Variants in SLC12A8 observed in about 807,000 individuals in gnomAD.
SLC12A8 encodes the protein solute carrier family 12 member 8.
Under a neutral mutation model 75.6 loss-of-function variants are expected in SLC12A8, and 69 were observed. The ratio of observed to expected loss-of-function variants is 0.91; its 90% confidence interval spans 0.75 to 1.11. The LOEUF (loss-of-function observed/expected upper bound fraction) is 1.11. Ranked by LOEUF, SLC12A8 falls within the 50% of genes most tolerant of loss-of-function variation. The pLI is 0.00. For missense variants in SLC12A8, 877 were observed against 896.7 expected, an observed-to-expected ratio of 0.98 and a Z score of 0.28; for synonymous variants, 365 against 372.8, an observed-to-expected ratio of 0.98 and a Z score of 0.24.
intron 10 of SLC12A8, among the ~76,000 whole-genome samples, chr3:125,095,921 A>C (rs1938700280): frequency 6.6e-6 from 1 of 152,190 alleles, no homozygotes; most frequent in East Asian, 1.9e-4. Flanking sequence ...TCTAAAAGCC[A>C]GTGATCTTCT....
Position 125,108,092 on chromosome 3 carries a change from C to T in SLC12A8, c.1094G>A (p.Cys365Tyr). The change falls in exon 10 of 14, where the codon TGC becomes TAC. Residue 365 changes from cysteine (C) to tyrosine (Y), a missense_variant. Physicochemically the swap from Cys to Tyr is radical, Grantham distance 194. Transcript: ENST00000469902. ...GPNKTPVAAICLTSLVTMAFV... is the reference protein window; with the variant it reads ...GPNKTPVAAIYLTSLVTMAFV... ...GGCCATGGTCACCAAGCTGGTCAGGCAGATGGCAGCCACGGGTGTTTTGTT... is the reference window on the plus strand; with the variant it reads ...GGCCATGGTCACCAAGCTGGTCAGGTAGATGGCAGCCACGGGTGTTTTGTT... 1 of 1,613,970 alleles carries T rather than the reference C, an allele frequency of 6.2e-7. No individual in the cohort carries two copies. Among genetic ancestry groups the T allele is most frequent in the South Asian group, 1.1e-5 (1 of 91,060 alleles).
chr3:125,142,935 G>T (rs57635608), intron 5 of SLC12A8, among the ~76,000 whole-genome samples: 253 of 152,302 alleles, frequency 1.7e-3, no homozygotes, highest in African/African-American at 5.8e-3. Context: ...CTCTGTGATT[G>T]TTGATACAGG....
intron 8 of SLC12A8, among the ~76,000 whole-genome samples, chr3:125,113,057 C>T (rs1242624265): frequency 4.6e-5 from 7 of 152,190 alleles, no homozygotes; most frequent in Admixed American, 2.0e-4. Flanking sequence ...AACTCTTTTT[C>T]ATTTAAAGCC....
chr3:125,200,269 G>A (rs1047663304), intron 2 of SLC12A8, among the ~76,000 whole-genome samples: 7 of 152,078 alleles, frequency 4.6e-5, no homozygotes, highest in Admixed American at 2.0e-4. Flanking sequence ...GGAACATGGC[G>A]AAACCCCGTC....
chr3:125,141,373 C>A (rs910898934), intron 5 of SLC12A8, among the ~76,000 whole-genome samples: 1 of 152,184 alleles, frequency 6.6e-6, no homozygotes, highest in Non-Finnish European at 1.5e-5. Context: ...CTCGTGGGAG[C>A]CTACCCTCCT....
chr3:125,121,576 T>G (rs1229312304), intron 6 of SLC12A8, among the ~76,000 whole-genome samples: 1 of 152,206 alleles, frequency 6.6e-6, no homozygotes, highest in African/African-American at 2.4e-5. Context: ...TGTCAAGTGC[T>G]TTACATGCAT....
intron 10 of SLC12A8, among the ~76,000 whole-genome samples, chr3:125,106,093 A>C (rs1041786346): frequency 2.6e-5 from 4 of 152,180 alleles, no homozygotes; most frequent in East Asian, 1.9e-4. Context: ...TTAACAGAAG[A>C]AGCATATTTT....
At chr3:125,183,867 A>T (rs886926642) in intron 4 of SLC12A8, among the ~76,000 whole-genome samples, 1 of 152,114 alleles carries the variant, frequency 6.6e-6, no homozygotes, top group Non-Finnish European at 1.5e-5. Context: ...TTGGTCCCAC[A>T]GAGCAGGCCC....
At chr3:125,096,948 T>C (rs1938726672) in intron 10 of SLC12A8, among the ~76,000 whole-genome samples, 1 of 152,244 alleles carries the variant, frequency 6.6e-6, no homozygotes, top group South Asian at 2.1e-4. Flanking sequence ...AAACCTTCTA[T>C]GTCTATTCAG....
At chr3:125,090,393 T>A (rs1201444484) in intron 12 of SLC12A8, among the ~76,000 whole-genome samples, 3 of 152,264 alleles carry the variant, frequency 2.0e-5, no homozygotes, top group African/African-American at 7.2e-5. Context: ...ACATATATTC[T>A]GCTGTTTTGG....
At chr3:125,210,496 G>T (rs1935314826) in intron 2 of SLC12A8, among the ~76,000 whole-genome samples, 1 of 152,194 alleles carries the variant, frequency 6.6e-6, no homozygotes, top group South Asian at 2.1e-4. Flanking sequence ...TGCCATCACA[G>T]GGGAGATCTC....
chr3:125,092,004 A>T, intron 11 of SLC12A8, 97 bp downstream of exon 11: 1 of 749,364 alleles, frequency 1.3e-6, no homozygotes, highest in Non-Finnish European at 2.3e-6. Flanking sequence ...GCTTCTAATT[A>T]GGCCCTCCAT....
chr3:125,120,646 C>T lies in SLC12A8; in HGVS notation c.777G>A (p.Glu259=), dbSNP rs1206755258. The change falls in exon 7 of 14, where the codon GAG becomes GAA. Residue 259 remains glutamate, a synonymous_variant. Transcript: ENST00000469902. ...AGFNMGGDLR[E]PAASIPLGSL... Reference sequence around the variant, plus strand: ...AGCCCAGGGGAATGCTGGCGGCAGGCTCCCTGAGGTCGCCCCCCATGTTGA... The same window carrying T: ...AGCCCAGGGGAATGCTGGCGGCAGGTTCCCTGAGGTCGCCCCCCATGTTGA... 6.2e-7 allele frequency: 1 copy of T among 1,613,750 alleles called. No homozygotes were observed. Among genetic ancestry groups the T allele is most frequent in the Non-Finnish European group, 8.5e-7 (1 of 1,179,944 alleles).
intron 1 of SLC12A8, 98 bp from the exon 2 acceptor site, chr3:125,211,492 C>A: frequency 1.3e-6 from 1 of 751,508 alleles, no homozygotes. Flanking sequence ...AACTACCAGG[C>A]GAGGCCCTGG....
intron 13 of SLC12A8, 184 bp downstream of exon 13, chr3:125,088,126 A>G (rs1938504887): frequency 1.7e-6 from 1 of 595,102 alleles, no homozygotes; most frequent in African/African-American, 1.9e-5. Context: ...GATGAGCCGA[A>G]TCTGGGGGCC....
intron 2 of SLC12A8, chr3:125,206,768 T>C (rs1223683085): frequency 6.6e-6 from 1 of 152,260 alleles, no homozygotes; most frequent in East Asian, 1.9e-4. Flanking sequence ...AAACTTTCAA[T>C]CATGGTGGAA....
chr3:125,150,802 A>G lies in SLC12A8; in HGVS notation c.623-15020T>C, dbSNP rs189986529. 2.6e-3 allele frequency among the ~76,000 whole-genome samples: 402 copies of G among 152,322 alleles called. 2 individuals are homozygous for G. The highest frequency in any genetic ancestry group is 9.1e-3 in the African/African-American group (378 of 41,548). ...CAAAAAGGCTACCTTTACAGGGGAA[A>G]ATAGAATGAGCAATGCAGAACATGA... On this transcript the variant is annotated intron_variant, in intron 5 of 13. Transcript: ENST00000469902.
intron 5 of SLC12A8, among the ~76,000 whole-genome samples, chr3:125,143,073 T>C (rs115945252): frequency 1.0e-3 from 155 of 152,332 alleles, no homozygotes; most frequent in African/African-American, 3.6e-3. Flanking sequence ...TCTAATTCAT[T>C]GGCCTGTTTT....
At chr3:125,188,662 C>T (rs1403487294) in intron 3 of SLC12A8, among the ~76,000 whole-genome samples, 1 of 152,224 alleles carries the variant, frequency 6.6e-6, no homozygotes, top group Non-Finnish European at 1.5e-5. Context: ...TCCTGATAGT[C>T]AAGACTTCAT....
Sources: allele counts gnomAD v4.1 joint callset (sites outside exome capture counted in the v4.1 genomes callset), GRCh38; gene constraint gnomAD v4.1.1; transcripts MANE v1.5; gene names NCBI Gene and HGNC (gene_info 2026-07-23, HGNC 2026-07-21).